Variants in PDE11A observed in about 807,000 individuals in gnomAD.
PDE11A encodes phosphodiesterase 11A.
PDE11A carries 100 observed loss-of-function variants against 100.5 expected under a neutral mutation model. The observed-to-expected ratio is 1.00, with a 90% CI of 0.85 to 1.18. PDE11A has a LOEUF of 1.18. PDE11A is among the 50% of genes most tolerant of loss of function. PDE11A has a pLI of 0.00. For synonymous variants in PDE11A, 381 were observed against 420.8 expected (o/e 0.91, Z 1.16); for missense variants, 1,141 against 1,152.6 (o/e 0.99, Z 0.15).
At chr2:177,812,273 A>G (rs572165715) in intron 9 of PDE11A, among the ~76,000 whole-genome samples, 2 of 152,268 alleles carry the variant, frequency 1.3e-5, no homozygotes, top group South Asian at 4.1e-4. Context: ...TTGAGAGGTT[A>G]AGTAGCTTGC....
At chr2:177,970,497 T>C (rs2085755891) in intron 2 of PDE11A, among the ~76,000 whole-genome samples, 1 of 151,904 alleles carries the variant, frequency 6.6e-6, no homozygotes, top group Non-Finnish European at 1.5e-5. Flanking sequence ...GTTGAAAAAC[T>C]GACCAACACA....
At chr2:178,051,659 A>T (rs1469333212) in intron 1 of PDE11A, among the ~76,000 whole-genome samples, 1 of 152,222 alleles carries the variant, frequency 6.6e-6, no homozygotes, top group Non-Finnish European at 1.5e-5. Flanking sequence ...GGGATGCAGG[A>T]AGATCTACCA....
At chr2:178,073,106 G>C, upstream of PDE11A, 1 of 981,790 alleles carries the variant, frequency 1.0e-6, no homozygotes, top group Non-Finnish European at 1.2e-6. Flanking sequence ...AGCCCAGTGG[G>C]AGTCCGAGAT....
intron 4 of PDE11A, among the ~76,000 whole-genome samples, chr2:177,897,747 A>T (rs555076678): frequency 1.3e-5 from 2 of 152,274 alleles, no homozygotes; most frequent in East Asian, 3.9e-4. Context: ...ACTTGAGTTT[A>T]TCTTCTAATG....
At chr2:177,991,834 A>G (rs940586697) in intron 2 of PDE11A, among the ~76,000 whole-genome samples, 2 of 151,142 alleles carry the variant, frequency 1.3e-5, no homozygotes, top group African/African-American at 4.9e-5. Context: ...TCTTCTTCCA[A>G]TAAGTTTTTT....
chr2:177,956,756 TGTA>T (rs2085568345), intron 2 of PDE11A, among the ~76,000 whole-genome samples: 1 of 152,228 alleles, frequency 6.6e-6, no homozygotes, highest in Admixed American at 6.5e-5. Flanking sequence ...TCATGTCTTT[TGTA>T]GGGACATGGA....
rs558002809 is a variant in PDE11A, at chr2:177,789,887, A to C, written c.1738-20514T>G. On this transcript the variant is annotated intron_variant, in intron 9 of 19. Coordinates refer to ENST00000286063, the MANE Select transcript of PDE11A (RefSeq NM_016953.4). ...ACAAACCACTGCTCAATGAAATAAA[A>C]GAGGATACAAACAAATGGAAGAACA... Among the ~76,000 whole-genome samples the C allele has an allele frequency of 2.4e-4, 36 of 152,188 alleles. 1 individual carries two copies. In the South Asian group the frequency reaches 7.5e-3, roughly 32 times the overall value.
Position 177,711,757 on chromosome 2 carries a change from T to G in PDE11A, c.2153+12A>C, listed in dbSNP as rs757684535. On this transcript the variant is annotated intron_variant, in intron 13 of 19. Transcript: ENST00000286063. ...CAAATGCATTAAAATAACAACAGTT[T>G]AGAACACTTACTTAGCTTGGAAGGC... is the stretch of plus-strand genomic sequence containing the variant. 2.2e-6 allele frequency: 3 copies of G among 1,379,802 alleles called. No individual in the cohort carries two copies. Among genetic ancestry groups the G allele is most frequent in the Non-Finnish European group, 3.1e-6 (3 of 966,300 alleles). 85.5% of individuals were successfully genotyped at this position (1,379,802 alleles called of 1,614,324 possible).
At chr2:177,729,747 A>G (rs2105449689) in intron 10 of PDE11A, among the ~76,000 whole-genome samples, 1 of 152,292 alleles carries the variant, frequency 6.6e-6, no homozygotes, top group East Asian at 1.9e-4. Context: ...GAGTTTTTGT[A>G]GAATCTTTTT....
chr2:177,794,912 A>G (rs2082684311), intron 9 of PDE11A, among the ~76,000 whole-genome samples: 1 of 152,070 alleles, frequency 6.6e-6, no homozygotes, highest in African/African-American at 2.4e-5. Context: ...CAATCTCCCA[A>G]GTAGCTGGGA....
At chr2:178,094,563 T>C (rs1346540131) in intron 2 of PDE11A, among the ~76,000 whole-genome samples, 1 of 151,896 alleles carries the variant, frequency 6.6e-6, no homozygotes, top group East Asian at 1.9e-4. Flanking sequence ...AAATGAAAAA[T>C]ACACATCTGA....
intron 2 of PDE11A, among the ~76,000 whole-genome samples, chr2:178,084,644 G>C (rs199990501): frequency 2.7e-4 from 41 of 152,256 alleles, no homozygotes; most frequent in African/African-American, 9.6e-4. Flanking sequence ...TGACTGGTCG[G>C]GTTAACAGGT....
intron 19 of PDE11A, among the ~76,000 whole-genome samples, chr2:177,663,061 T>G (rs1547581): frequency 0.77 from 117,650 of 152,190 alleles, 46,136 homozygotes; most frequent in East Asian, 0.89. Flanking sequence ...AGCTAGGTTG[T>G]GGGTAAAGAA....
chr2:177,793,586 C>T (rs1213755881), intron 9 of PDE11A, among the ~76,000 whole-genome samples: 1 of 149,666 alleles, frequency 6.7e-6, no homozygotes, highest in Non-Finnish European at 1.5e-5. Flanking sequence ...AGGAAAGGAC[C>T]AGAGCCACAG....
chr2:177,917,602 A>G (rs2084972623), intron 2 of PDE11A, among the ~76,000 whole-genome samples: 1 of 152,226 alleles, frequency 6.6e-6, no homozygotes, highest in South Asian at 2.1e-4. Flanking sequence ...TTCATACCAC[A>G]TACAGTATTT....
chr2:177,845,275 G>C (rs1329283347), intron 5 of PDE11A, among the ~76,000 whole-genome samples: 1 of 150,760 alleles, frequency 6.6e-6, no homozygotes, highest in Non-Finnish European at 1.5e-5. Context: ...CTTCTCAGAC[G>C]GGGCGGTTGC....
At chr2:177,729,856 C>CT (rs141821499) in intron 10 of PDE11A, among the ~76,000 whole-genome samples, 20,717 of 150,664 alleles carry the variant, frequency 0.14, 1,454 homozygotes, top group Non-Finnish European at 0.15. Context: ...TTTTTTCCCC[C>CT]TTTTTTTTTC....
intron 2 of PDE11A, 44 bp from the exon 3 acceptor site, chr2:177,905,231 T>C: frequency 9.6e-7 from 1 of 1,038,622 alleles, no homozygotes; most frequent in Non-Finnish European, 1.5e-6. Context: ...ATAAGAACAT[T>C]GATACATCCC....
intron 2 of PDE11A, among the ~76,000 whole-genome samples, chr2:177,942,294 T>C (rs992643271): frequency 3.3e-5 from 5 of 152,184 alleles, no homozygotes; most frequent in African/African-American, 1.2e-4. Flanking sequence ...GAAAATGAAA[T>C]GAGATTAACC....
Sources: gnomAD v4.1 joint callset for allele counts (sites outside exome capture counted in the v4.1 genomes callset) on GRCh38, gnomAD v4.1.1 for gene constraint, MANE v1.5 for transcripts, NCBI Gene and HGNC (gene_info 2026-07-23, HGNC 2026-07-21) for gene names.